PEX7: variants seen among roughly 807,000 people sequenced by gnomAD.
PEX7 encodes PTS2 receptor.
A neutral mutation model predicts 47.5 loss-of-function variants in PEX7; 34 were observed. That is an observed-to-expected ratio of 0.72 (90% CI 0.54 to 0.95). PEX7 has a LOEUF of 0.95. Ranked by LOEUF, PEX7 falls within the 40% of genes least tolerant of loss-of-function variation. The probability of loss-of-function intolerance (pLI) is 0.00; values close to 1 mark genes in which losing one functional copy is unlikely to be tolerated. For missense variants in PEX7, 394 were observed against 400.3 expected (o/e 0.98, Z 0.13); for synonymous variants, 141 against 148.8 (o/e 0.95, Z 0.38).
At chr6:136,899,093 T>TTTA (rs1775706691) in intron 9 of PEX7, among the ~76,000 whole-genome samples, 1 of 148,166 alleles carries the variant, frequency 6.7e-6, no homozygotes, top group African/African-American at 2.5e-5. Flanking sequence ...TTTTTTTTTT[T>TTTA]TTTTTGAGAC....
At chr6:136,827,720 A>G (rs1421199444) in intron 3 of PEX7, among the ~76,000 whole-genome samples, 2 of 151,736 alleles carry the variant, frequency 1.3e-5, no homozygotes, top group Non-Finnish European at 2.9e-5. Flanking sequence ...TTTAGTAGAG[A>G]CGGGTTTCAC....
At chr6:136,831,545 C>T (rs2115141384) in intron 3 of PEX7, among the ~76,000 whole-genome samples, 1 of 152,362 alleles carries the variant, frequency 6.6e-6, no homozygotes, top group Admixed American at 6.5e-5. Context: ...AAAGTCTTAA[C>T]TTATTCCAGC....
At chr6:136,856,028 C>T (rs926471484) in intron 5 of PEX7, among the ~76,000 whole-genome samples, 1 of 152,112 alleles carries the variant, frequency 6.6e-6, no homozygotes, top group Non-Finnish European at 1.5e-5. Flanking sequence ...ATAGCATTGA[C>T]TCTGGATAGT....
At chr6:136,839,905 G>A (rs1156352598) in intron 3 of PEX7, among the ~76,000 whole-genome samples, 1 of 152,178 alleles carries the variant, frequency 6.6e-6, no homozygotes, top group Non-Finnish European at 1.5e-5. Context: ...AATGTCTAAT[G>A]TGGTAAGCGC....
chr6:136,893,639 T>C (rs1007386984), intron 8 of PEX7, among the ~76,000 whole-genome samples: 8 of 152,220 alleles, frequency 5.3e-5, no homozygotes, highest in Admixed American at 1.3e-4. Flanking sequence ...AATAACTAAA[T>C]GATGTGAAAG....
intron 6 of PEX7, among the ~76,000 whole-genome samples, chr6:136,868,095 C>T (rs1366407059): frequency 6.6e-6 from 1 of 152,162 alleles, no homozygotes; most frequent in Admixed American, 6.5e-5. Flanking sequence ...CAGTAGCCTA[C>T]AGTATTCAGT....
chr6:136,854,857 A>G (rs1774830147), intron 5 of PEX7, among the ~76,000 whole-genome samples: 1 of 152,112 alleles, frequency 6.6e-6, no homozygotes. Context: ...GAGCTGAGGC[A>G]GATGGATCAC....
chr6:136,894,142 C>T (rs771252017), intron 8 of PEX7, among the ~76,000 whole-genome samples: 4 of 152,066 alleles, frequency 2.6e-5, no homozygotes, highest in Admixed American at 6.6e-5. Flanking sequence ...CTGCAGTGCC[C>T]TATGATTTAG....
chr6:136,903,920 C>T (rs922328152), intron 9 of PEX7, among the ~76,000 whole-genome samples: 6 of 151,920 alleles, frequency 3.9e-5, no homozygotes, highest in Admixed American at 1.3e-4. Flanking sequence ...GATCCTCCCA[C>T]CTCAGCCTCC....
chr6:136,894,044 G>T (rs1775601619), intron 8 of PEX7, among the ~76,000 whole-genome samples: 1 of 152,294 alleles, frequency 6.6e-6, no homozygotes, highest in East Asian at 1.9e-4. Flanking sequence ...TACAGACTAT[G>T]ATGAGCCAGG....
intron 9 of PEX7, among the ~76,000 whole-genome samples, chr6:136,910,126 G>C (rs1442117193): frequency 6.6e-6 from 1 of 152,138 alleles, no homozygotes; most frequent in Non-Finnish European, 1.5e-5. Flanking sequence ...TTTAGGTTCT[G>C]GCTGTAGCTC....
At chr6:136,832,228 G>T (rs1183751462) in intron 3 of PEX7, among the ~76,000 whole-genome samples, 2 of 152,248 alleles carry the variant, frequency 1.3e-5, no homozygotes, top group Non-Finnish European at 2.9e-5. Flanking sequence ...AGCTGCCAAG[G>T]TTTAGGGCTT....
Position 136,869,968 on chromosome 6 carries a change from CT to C in PEX7, c.714del (p.Gly240ValfsTer9). The C allele has an allele frequency of 6.2e-7, 1 of 1,613,782 alleles. No homozygotes were observed. On this transcript the variant is annotated frameshift_variant, in exon 7 of 10. Transcript: ENST00000318471. LOFTEE classifies it high-confidence loss of function. ...LRNVRQPVFE[L>X]LGHTYAIRRV... ...GAATGTACGACAACCAGTGTTTGAA[CT>C]TCTTGGTCATACCTATGCTATTAGG...
At chr6:136,870,133 C>T (rs1326073958) in intron 7 of PEX7, 130 bp downstream of exon 7, 5 of 578,294 alleles carry the variant, frequency 8.6e-6, no homozygotes. Context: ...GTTTTTGTTA[C>T]CCAATTAATT....
chr6:136,899,661 T>C (rs1335713942), intron 9 of PEX7, among the ~76,000 whole-genome samples: 1 of 152,234 alleles, frequency 6.6e-6, no homozygotes, highest in East Asian at 1.9e-4. Flanking sequence ...ATTACAGGCA[T>C]GAGCTCTCAG....
At position 136,913,860 on chromosome 6, in the gene PEX7, T is replaced by C; in HGVS notation, c.*334T>C. The C allele has an allele frequency of 4.2e-6, 1 of 240,248 alleles. No homozygotes were observed. Among genetic ancestry groups the C allele is most frequent in the Non-Finnish European group, 8.2e-6 (1 of 122,506 alleles). The allele number at this position is 240,248 out of a possible 1,614,324, so 14.9% of individuals were successfully genotyped here. On this transcript the variant is annotated 3_prime_UTR_variant, in exon 10 of 10. Coordinates refer to ENST00000318471, the MANE Select transcript of PEX7 (RefSeq NM_000288.4). ...TATAGATAGTGATATATTTCATTTT[T>C]AATTTGTCATTTTTGATGTAAAATA...
intron 9 of PEX7, among the ~76,000 whole-genome samples, chr6:136,912,244 G>A (rs942514425): frequency 1.3e-5 from 2 of 151,600 alleles, no homozygotes; most frequent in Non-Finnish European, 1.5e-5. Flanking sequence ...TTTTGATTGA[G>A]TGTAACTTAC....
At chr6:136,911,594 G>T (rs1279651660) in intron 9 of PEX7, among the ~76,000 whole-genome samples, 1 of 151,894 alleles carries the variant, frequency 6.6e-6, no homozygotes, top group Non-Finnish European at 1.5e-5. Flanking sequence ...TTAGGTAGAG[G>T]TGGGGTTTCA....
intron 8 of PEX7, among the ~76,000 whole-genome samples, chr6:136,879,532 C>T (rs557164680): frequency 6.6e-6 from 1 of 152,070 alleles, no homozygotes; most frequent in African/African-American, 2.4e-5. Flanking sequence ...GGCACCACCC[C>T]GACCCCAACC....
Sources: allele counts gnomAD v4.1 joint callset (sites outside exome capture counted in the v4.1 genomes callset), GRCh38; gene constraint gnomAD v4.1.1; transcripts MANE v1.5; gene names NCBI Gene and HGNC (gene_info 2026-07-23, HGNC 2026-07-21).